The following AR variants were observed in gnomAD, a reference collection of about 807,000 sequenced individuals.
AR encodes the protein androgen receptor.
A neutral mutation model predicts 53.9 loss-of-function variants in AR; 8 were observed. The ratio of observed to expected loss-of-function variants is 0.15; its 90% CI spans 0.09 to 0.27. The LOEUF (loss-of-function observed/expected upper bound fraction) is 0.27. Ranked by LOEUF, AR falls within the 10% of genes least tolerant of loss-of-function variation. The pLI, the probability that AR is intolerant of heterozygous loss-of-function variation, is 1.00. For missense variants in AR, 639 were observed against 742.5 expected (o/e 0.86, Z 1.62); for synonymous variants, 359 against 316.4 (o/e 1.13, Z -1.43).
intron 2 of AR, among the ~76,000 whole-genome samples, chrX:67,683,739 G>A (rs1233097920): frequency 8.9e-6 from 1 of 112,129 alleles, no homozygotes; most frequent in Non-Finnish European, 1.9e-5. Flanking sequence ...CATGGCTTTG[G>A]TTGTACTGGG....
chrX:67,667,955 G>C (rs777567956), intron 2 of AR, among the ~76,000 whole-genome samples: 1 of 111,512 alleles, frequency 9.0e-6, no homozygotes, highest in South Asian at 3.7e-4. Context: ...AGTTCTAATA[G>C]GCTTTTGGTG....
At chrX:67,570,022 C>T (rs768584170) in intron 1 of AR, among the ~76,000 whole-genome samples, 6 of 111,577 alleles carry the variant, frequency 5.4e-5, no homozygotes, top group Non-Finnish European at 9.4e-5. Flanking sequence ...TGTATATATC[C>T]ACTAGAATTG....
At chrX:67,664,742 C>T (rs1476154910) in intron 2 of AR, among the ~76,000 whole-genome samples, 1 of 112,565 alleles carries the variant, frequency 8.9e-6, no homozygotes, top group East Asian at 2.8e-4. Context: ...GGCAGGCCTC[C>T]TTGAGCTGTG....
At chrX:67,648,793 A>G (rs182214155) in intron 2 of AR, among the ~76,000 whole-genome samples, 5 of 112,443 alleles carry the variant, frequency 4.4e-5, no homozygotes, top group Non-Finnish European at 3.8e-5. Flanking sequence ...TGTAATGCTT[A>G]CATAACTTTT....
intron 4 of AR, among the ~76,000 whole-genome samples, chrX:67,714,539 C>A (rs1317612878): frequency 8.9e-6 from 1 of 111,770 alleles, no homozygotes; most frequent in Admixed American, 9.6e-5. Flanking sequence ...ACTGGCCTTT[C>A]TTTGAGCCCA....
chrX:67,547,778 T>C (rs1008443788), intron 1 of AR, among the ~76,000 whole-genome samples: 1 of 112,050 alleles, frequency 8.9e-6, no homozygotes, highest in African/African-American at 3.2e-5. Context: ...TTTTAGAATA[T>C]GTGCAGTTAG....
intron 5 of AR, among the ~76,000 whole-genome samples, chrX:67,721,129 A>G (rs1404748336): frequency 2.7e-5 from 3 of 111,748 alleles, no homozygotes; most frequent in African/African-American, 9.8e-5. Flanking sequence ...ACAGTTTCCA[A>G]ACTGTGGTAA....
chrX:67,578,341 A>G (rs956796145), intron 1 of AR, among the ~76,000 whole-genome samples: 3 of 111,735 alleles, frequency 2.7e-5, no homozygotes, highest in Admixed American at 1.9e-4. Flanking sequence ...AGTACCAGCA[A>G]TATGTACCAA....
intron 3 of AR, among the ~76,000 whole-genome samples, chrX:67,697,554 A>G (rs1243186313): frequency 1.8e-5 from 2 of 111,554 alleles, no homozygotes; most frequent in African/African-American, 6.5e-5. Flanking sequence ...TTCACAGTTT[A>G]CCACCATAAG....
intron 5 of AR, among the ~76,000 whole-genome samples, chrX:67,720,744 T>G (rs903042173): frequency 4.5e-5 from 5 of 110,422 alleles, no homozygotes; most frequent in Non-Finnish European, 9.5e-5. Context: ...TCCTATGGAG[T>G]AGGCTAGTGG....
chrX:67,639,442 A>G (rs760177764), intron 1 of AR, among the ~76,000 whole-genome samples: 1 of 111,924 alleles, frequency 8.9e-6, no homozygotes, highest in Non-Finnish European at 1.9e-5. Flanking sequence ...GATTCTTCCT[A>G]TCCATGAGCA....
At chrX:67,548,226 G>GAAAC (rs1422939064) in intron 1 of AR, among the ~76,000 whole-genome samples, 2 of 111,963 alleles carry the variant, frequency 1.8e-5, no homozygotes, top group East Asian at 5.6e-4. Context: ...AAGAAAGAAA[G>GAAAC]AGGAGGGTAG....
chrX:67,613,246 G>A (rs1179634425), intron 1 of AR, among the ~76,000 whole-genome samples: 2 of 112,006 alleles, frequency 1.8e-5, no homozygotes, highest in Middle Eastern at 4.2e-3. Context: ...GTGGAACAGG[G>A]GAGTCACTCG....
chrX:67,664,014 C>T (rs1053568925), intron 2 of AR, among the ~76,000 whole-genome samples: 28 of 111,440 alleles, frequency 2.5e-4, no homozygotes, highest in Non-Finnish European at 1.3e-4. Flanking sequence ...TCTAGTTAGC[C>T]ATTTGTCTAA....
chrX:67,552,052 C>A (rs1930016556), intron 1 of AR, among the ~76,000 whole-genome samples: 1 of 112,163 alleles, frequency 8.9e-6, no homozygotes, highest in African/African-American at 3.2e-5. Flanking sequence ...ACAATCCATA[C>A]AATTCACTCA....
chrX:67,694,682 G>A (rs370756473), intron 3 of AR: 34 of 1,152,182 alleles, frequency 3.0e-5, no homozygotes, highest in Admixed American at 1.0e-4. Flanking sequence ...GAAAAATTCC[G>A]GGTTGGCAAT....
At chrX:67,628,180 A>T (rs1002536129) in intron 1 of AR, among the ~76,000 whole-genome samples, 2 of 110,735 alleles carry the variant, frequency 1.8e-5, no homozygotes, top group African/African-American at 6.5e-5. Flanking sequence ...GAAGAAAGTC[A>T]TCAGTAGCTT....
chrX:67,593,838 T>C (rs754513587), intron 1 of AR, among the ~76,000 whole-genome samples: 12 of 112,271 alleles, frequency 1.1e-4, no homozygotes, highest in Admixed American at 3.8e-4. Flanking sequence ...CTGAAATAAG[T>C]ACGGTTTTCA....
In AR at chrX:67,722,307, T is replaced by C. The variant is rs771330155; in HGVS notation, c.2449+344T>C. ...CAGACATGGGCCACCTTGTATTCTT[T>C]GCAGGGCAGTAGAGCAGGAGGCATT... On this transcript the variant is annotated intron_variant, in intron 6 of 7. Coordinates refer to ENST00000374690, the MANE Select transcript of AR (RefSeq NM_000044.6). The C allele has an allele frequency of 3.1e-4, 78 of 248,114 alleles. No homozygotes were observed. The South Asian group carries it at 4.4e-3, about 14-fold the overall frequency. The allele number at this position is 248,114 out of a possible 1,213,427, so 20.4% of individuals were successfully genotyped here. A position where few individuals can be genotyped will look rare whatever the true frequency, so the allele number is the denominator to read the frequency against.
Sources: gnomAD v4.1 joint callset for allele counts (sites outside exome capture counted in the v4.1 genomes callset) on GRCh38, gnomAD v4.1.1 for gene constraint, MANE v1.5 for transcripts, NCBI Gene and HGNC (gene_info 2026-07-23, HGNC 2026-07-21) for gene names.